Variants in BMP2K observed in about 807,000 individuals in gnomAD.
BMP2K encodes BMP-2-inducible protein kinase.
Under a neutral mutation model 116.0 loss-of-function variants are expected in BMP2K, and 74 were observed. The observed-to-expected ratio is 0.64, with a 90% CI of 0.53 to 0.77. The LOEUF (loss-of-function observed/expected upper bound fraction) is 0.77, where lower values mean the gene tolerates loss of function less well. BMP2K is among the 30% of genes least tolerant of loss of function. The probability of loss-of-function intolerance (pLI) is 0.00; values close to 1 mark genes in which losing one functional copy is unlikely to be tolerated. For missense variants in BMP2K, 1,365 were observed against 1,403.6 expected (o/e 0.97, Z 0.44); for synonymous variants, 486 against 502.5 (o/e 0.97, Z 0.44).
At chr4:78,844,044 G>A (rs1461658435) in intron 4 of BMP2K, among the ~76,000 whole-genome samples, 2 of 151,478 alleles carry the variant, frequency 1.3e-5, no homozygotes, top group African/African-American at 4.8e-5. Flanking sequence ...TCGATAAAAT[G>A]GAAATAAATG....
At chr4:78,789,409 C>T (rs1273067859) in intron 1 of BMP2K, among the ~76,000 whole-genome samples, 1 of 152,048 alleles carries the variant, frequency 6.6e-6, no homozygotes, top group Non-Finnish European at 1.5e-5. Flanking sequence ...GCTGTATAGG[C>T]ATTGGCCTGT....
At chr4:78,787,170 A>G (rs897174981) in intron 1 of BMP2K, among the ~76,000 whole-genome samples, 12 of 152,214 alleles carry the variant, frequency 7.9e-5, no homozygotes, top group African/African-American at 2.7e-4. Context: ...AATTACTATG[A>G]AACAATTGGA....
intron 2 of BMP2K, among the ~76,000 whole-genome samples, chr4:78,829,402 G>GTTTTTTT (rs79345386): frequency 3.7e-5 from 5 of 133,842 alleles, no homozygotes; most frequent in Non-Finnish European, 5.0e-5. Flanking sequence ...ATAGTTTTTT[G>GTTTTTTT]TTTTTTTTTT....
At chr4:78,845,954 A>G (rs1173210299) in intron 5 of BMP2K, among the ~76,000 whole-genome samples, 1 of 151,710 alleles carries the variant, frequency 6.6e-6, no homozygotes, top group Non-Finnish European at 1.5e-5. Context: ...ATAAAAACAA[A>G]CATGTTAGTA....
At chr4:78,906,371 A>G (rs1406622455) in intron 15 of BMP2K, among the ~76,000 whole-genome samples, 1 of 152,148 alleles carries the variant, frequency 6.6e-6, no homozygotes, top group Non-Finnish European at 1.5e-5. Context: ...GGGGGGCAAA[A>G]TAAGTAAAAC....
chr4:78,836,366 A>G (rs960361834), intron 3 of BMP2K, among the ~76,000 whole-genome samples: 4 of 151,976 alleles, frequency 2.6e-5, no homozygotes, highest in Non-Finnish European at 5.9e-5. Context: ...GCAGTGAGCC[A>G]AGATCGCTCC....
At position 78,823,033 on chromosome 4, in the gene BMP2K, CATTT is replaced by C. The variant is rs928663703; in HGVS notation, c.179-3000_179-2997del. ...AAGATAGTACTGGGGAAAACATAAA[CATTT>C]ATTACATTTTATTCTCAAAGCAGAT... On this transcript the variant is annotated intron_variant, in intron 1 of 15. Transcript: ENST00000502613. Among the ~76,000 whole-genome samples, 26 of 152,140 alleles carry C rather than the reference CATTT, an allele frequency of 1.7e-4. 1 individual carries two copies. The highest frequency in any genetic ancestry group is 6.0e-4 in the African/African-American group (25 of 41,538).
chr4:78,850,694 C>T (rs550970278), intron 6 of BMP2K, among the ~76,000 whole-genome samples: 3 of 151,784 alleles, frequency 2.0e-5, no homozygotes, highest in Non-Finnish European at 4.4e-5. Context: ...CTAATTTTTA[C>T]GATACCATTA....
intron 3 of BMP2K, among the ~76,000 whole-genome samples, chr4:78,835,072 T>C (rs1017929402): frequency 6.6e-6 from 1 of 152,172 alleles, no homozygotes; most frequent in Non-Finnish European, 1.5e-5. Context: ...TAAAAGATAC[T>C]TGAATCAAGC....
In BMP2K at chr4:78,845,125, A is replaced by G. The variant is rs186514912; in HGVS notation, c.668+76A>G. The G allele has an allele frequency of 6.6e-5, 82 of 1,243,490 alleles. No homozygotes were observed. The East Asian group carries it at 1.9e-3, about 29-fold the overall frequency. 77.0% of individuals were successfully genotyped at this position (1,243,490 alleles called of 1,614,324 possible). ...TGAGTCTCTGGCCAGCACTGCTAAT[A>G]CAAATTTTAGGTATTTCATTTATAG... On this transcript the variant is annotated intron_variant, in intron 5 of 15. Coordinates refer to ENST00000502613, the MANE Select transcript of BMP2K (RefSeq NM_198892.2).
Position 78,848,689 on chromosome 4 carries a change from G to A in BMP2K, c.750+1420G>A, listed in dbSNP as rs944845879. ...TTCCTCAGACTTAGTATGCCAGTGA[G>A]GTAGCATACTAAATTGTCAATGACA... On this transcript the variant is annotated intron_variant, in intron 6 of 15. Transcript: ENST00000502613. Among the ~76,000 whole-genome samples, 8 of 151,222 alleles carry A rather than the reference G, an allele frequency of 5.3e-5. No homozygotes were observed. In the East Asian group the frequency reaches 1.5e-3, roughly 29 times the overall value.
At chr4:78,850,245 T>A (rs758695686) in intron 6 of BMP2K, among the ~76,000 whole-genome samples, 1 of 151,818 alleles carries the variant, frequency 6.6e-6, no homozygotes. Context: ...TTTTAGGGTG[T>A]TTTGCCCTCA....
At chr4:78,879,262 A>G in intron 14 of BMP2K, 1 of 1,010,890 alleles carries the variant, frequency 9.9e-7, no homozygotes, top group South Asian at 4.3e-5. Context: ...TTTTCTGCAC[A>G]CTCAATAGAA....
chr4:78,823,419 CAT>C (rs1008522348), intron 1 of BMP2K, among the ~76,000 whole-genome samples: 16 of 151,078 alleles, frequency 1.1e-4, no homozygotes, highest in African/African-American at 3.4e-4. Context: ...CAATTTAAAA[CAT>C]ATACAAGAGT....
intron 14 of BMP2K, chr4:78,879,546 T>A: frequency 1.7e-6 from 1 of 583,056 alleles, no homozygotes; most frequent in Non-Finnish European, 2.2e-6. Context: ...AAGAATGATG[T>A]GAGTGTTTTG....
chr4:78,786,373 A>G (rs1727728326), intron 1 of BMP2K, among the ~76,000 whole-genome samples: 1 of 151,148 alleles, frequency 6.6e-6, no homozygotes, highest in Non-Finnish European at 1.5e-5. Context: ...TCTCCATAAC[A>G]GTAAGAAATT....
chr4:78,851,800 G>A (rs1731264104), intron 7 of BMP2K, among the ~76,000 whole-genome samples: 1 of 151,982 alleles, frequency 6.6e-6, no homozygotes, highest in South Asian at 2.1e-4. Context: ...AAATAAGTGT[G>A]AAATTATTTA....
chr4:78,794,774 G>A (rs969678303), intron 1 of BMP2K, among the ~76,000 whole-genome samples: 1 of 152,062 alleles, frequency 6.6e-6, no homozygotes, highest in Non-Finnish European at 1.5e-5. Flanking sequence ...TGTTTTCCAG[G>A]TTGGTCTTGA....
chr4:78,913,760 C>CTTT lies in BMP2K; in HGVS notation c.*1728_*1729insTTT, dbSNP rs1001331239. ...ATTGCTTTTTCCCTTCTTTTATATGCTAAATCAAATATAGATTTGTGGATA... is the reference window on the plus strand; with the variant it reads ...ATTGCTTTTTCCCTTCTTTTATATGCTTTTAAATCAAATATAGATTTGTGGATA... On this transcript the variant is annotated 3_prime_UTR_variant, in exon 16 of 16. Transcript: ENST00000502613. 6.6e-6 allele frequency: 1 copy of CTTT among 151,972 alleles called. No individual in the cohort carries two copies. The highest frequency in any genetic ancestry group is 1.5e-5 in the Non-Finnish European group (1 of 67,968). 9.4% of individuals were successfully genotyped at this position (151,972 alleles called of 1,614,324 possible).
Sources: allele counts gnomAD v4.1 joint callset (sites outside exome capture counted in the v4.1 genomes callset), GRCh38; gene constraint gnomAD v4.1.1; transcripts MANE v1.5; gene names NCBI Gene and HGNC (gene_info 2026-07-23, HGNC 2026-07-21).